SCTR: variants seen among roughly 807,000 people sequenced by gnomAD.
The protein encoded by SCTR is pancreatic secretin receptor.
In SCTR, 56 loss-of-function variants were observed where a neutral mutation model predicts 60.8. The ratio of observed to expected loss-of-function variants is 0.92; its 90% CI spans 0.74 to 1.15. SCTR has a LOEUF of 1.15. Ranked by LOEUF, SCTR falls within the 50% of genes most tolerant of loss-of-function variation. SCTR has a pLI of 0.00. For synonymous variants in SCTR, 202 were observed against 217.0 expected (o/e 0.93, Z 0.61); for missense variants, 562 against 550.4 (o/e 1.02, Z -0.21).
At chr2:119,496,486 A>T (rs1242745648) in intron 1 of SCTR, among the ~76,000 whole-genome samples, 1 of 152,186 alleles carries the variant, frequency 6.6e-6, no homozygotes, top group East Asian at 1.9e-4. Flanking sequence ...AATGGGTTAG[A>T]TGTACTTTTC....
At chr2:119,475,639 A>T (rs1279152450) in intron 3 of SCTR, among the ~76,000 whole-genome samples, 2 of 146,446 alleles carry the variant, frequency 1.4e-5, no homozygotes, top group South Asian at 2.1e-4. Context: ...TATTTATATT[A>T]TATATATAAT....
chr2:119,459,387 T>A (rs2104792609), intron 7 of SCTR, among the ~76,000 whole-genome samples: 1 of 151,680 alleles, frequency 6.6e-6, no homozygotes, highest in East Asian at 1.9e-4. Context: ...AAAAGTTCAA[T>A]CTGTGGGACT....
At chr2:119,489,057 C>A (rs1283167930) in intron 2 of SCTR, among the ~76,000 whole-genome samples, 1 of 152,106 alleles carries the variant, frequency 6.6e-6, no homozygotes, top group South Asian at 2.1e-4. Context: ...GCTGGGTGCC[C>A]AGAGGGGAGC....
At chr2:119,479,826 T>C (rs1677517794) in intron 2 of SCTR, 2 of 152,218 alleles carry the variant, frequency 1.3e-5, no homozygotes, top group South Asian at 4.1e-4. Flanking sequence ...TCCTCTTTGA[T>C]TTGGCTGCTA....
intron 1 of SCTR, among the ~76,000 whole-genome samples, chr2:119,518,787 C>T (rs774596234): frequency 6.6e-6 from 1 of 152,138 alleles, no homozygotes; most frequent in Non-Finnish European, 1.5e-5. Context: ...GGTGGTGGAG[C>T]TCGAATCCCA....
intron 11 of SCTR, among the ~76,000 whole-genome samples, chr2:119,446,408 C>T (rs1264759626): frequency 6.6e-6 from 1 of 152,196 alleles, no homozygotes; most frequent in Non-Finnish European, 1.5e-5. Context: ...TCCCGCGAGG[C>T]TCATCTTCCC....
intron 4 of SCTR, among the ~76,000 whole-genome samples, chr2:119,467,372 C>CAAA (rs554916912): frequency 3.5e-5 from 3 of 85,540 alleles, no homozygotes; most frequent in African/African-American, 1.3e-4. Context: ...GACCCTGTCT[C>CAAA]AAAAAAAAAA....
chr2:119,447,350 C>T (rs1409591271), intron 10 of SCTR, among the ~76,000 whole-genome samples: 2 of 152,140 alleles, frequency 1.3e-5, no homozygotes, highest in Non-Finnish European at 2.9e-5. Context: ...ATCTGAATTT[C>T]AGATAAACAA....
At chr2:119,477,160 C>A (rs1677362827) in intron 3 of SCTR, among the ~76,000 whole-genome samples, 1 of 152,184 alleles carries the variant, frequency 6.6e-6, no homozygotes, top group Admixed American at 6.5e-5. Flanking sequence ...GATCCCGGGG[C>A]TGACTGGCAC....
chr2:119,457,091 AG>A (rs1291584466), intron 7 of SCTR, among the ~76,000 whole-genome samples: 1 of 152,216 alleles, frequency 6.6e-6, no homozygotes, highest in East Asian at 1.9e-4. Context: ...TTGTTAAGAT[AG>A]CCTTAGGAAC....
At chr2:119,451,361 G>A (rs1016716331) in intron 9 of SCTR, among the ~76,000 whole-genome samples, 5 of 152,230 alleles carry the variant, frequency 3.3e-5, no homozygotes, top group East Asian at 1.9e-4. Context: ...GAGCAGAATC[G>A]CCTGGGGACC....
At chr2:119,515,747 G>A (rs1439219507) in intron 1 of SCTR, among the ~76,000 whole-genome samples, 2 of 152,108 alleles carry the variant, frequency 1.3e-5, no homozygotes, top group Admixed American at 6.6e-5. Flanking sequence ...ATTCTGAGGC[G>A]GTCAGACTCA....
intron 2 of SCTR, chr2:119,480,962 C>G (rs901299706): frequency 6.6e-5 from 10 of 152,526 alleles, no homozygotes; most frequent in Admixed American, 5.2e-4. Flanking sequence ...GCCCTGCTCA[C>G]TTGCTTATCT....
intron 2 of SCTR, among the ~76,000 whole-genome samples, chr2:119,492,587 A>G (rs1678172610): frequency 6.6e-6 from 1 of 152,184 alleles, no homozygotes; most frequent in African/African-American, 2.4e-5. Flanking sequence ...TTAACCATTT[A>G]AAGTGTACAA....
intron 3 of SCTR, among the ~76,000 whole-genome samples, chr2:119,473,903 A>G (rs1383042609): frequency 6.6e-6 from 1 of 151,988 alleles, no homozygotes; most frequent in Admixed American, 6.6e-5. Flanking sequence ...CACTCCCATC[A>G]TGACTTTTTC....
At chr2:119,451,679 AG>A (rs771905419) in intron 9 of SCTR, among the ~76,000 whole-genome samples, 4 of 152,242 alleles carry the variant, frequency 2.6e-5, no homozygotes, top group Non-Finnish European at 4.4e-5. Context: ...CAAGGCCCAC[AG>A]GTCTGAACCA....
At chr2:119,440,333 A>G in intron 12 of SCTR, 76 bp from the exon 13 acceptor site, 1 of 1,508,110 alleles carries the variant, frequency 6.6e-7, no homozygotes. Flanking sequence ...TCCCCCAGTG[A>G]CTCCACGCAG....
At position 119,524,237 on chromosome 2, in the gene SCTR, C is replaced by A. The variant is rs1163822514; in HGVS notation, c.-11G>T. ...CAGGTGGGGACGCATGGTGCCCGCA[C>A]GTTCCCCGAGGGCGCCCCGACGTCC... On this transcript the variant is annotated 5_prime_UTR_variant, in exon 1 of 13. Transcript: ENST00000019103. The A allele has an allele frequency of 1.4e-6, 2 of 1,448,512 alleles. No homozygotes were observed. The highest frequency in any genetic ancestry group is 1.8e-6 in the Non-Finnish European group (2 of 1,098,750). 89.7% of individuals were successfully genotyped at this position (1,448,512 alleles called of 1,614,324 possible). A position where few individuals can be genotyped will look rare whatever the true frequency, so the allele number is the denominator to read the frequency against.
chr2:119,453,708 A>G (rs1188266805), intron 7 of SCTR, among the ~76,000 whole-genome samples: 6 of 152,196 alleles, frequency 3.9e-5, no homozygotes, highest in African/African-American at 1.2e-4. Flanking sequence ...CCCCCTTCTC[A>G]TACTGTGATC....
Sources: allele counts gnomAD v4.1 joint callset (sites outside exome capture counted in the v4.1 genomes callset), GRCh38; gene constraint gnomAD v4.1.1; transcripts MANE v1.5; gene names NCBI Gene and HGNC (gene_info 2026-07-23, HGNC 2026-07-21).